The following TRAPPC13 variants were observed in gnomAD, a reference collection of about 807,000 sequenced individuals.
TRAPPC13 encodes the protein REV7-interacting novel NHEJ regulator 1.
In TRAPPC13, 39 loss-of-function variants were observed where a neutral mutation model predicts 54.0. The ratio of observed to expected loss-of-function variants is 0.72; its 90% CI spans 0.56 to 0.94. The LOEUF (loss-of-function observed/expected upper bound fraction) is 0.94, where lower values mean the gene tolerates loss of function less well. Among genes scored for constraint, TRAPPC13 ranks in the 40% least tolerant of loss-of-function variants. The probability of loss-of-function intolerance (pLI) is 0.00; values close to 1 mark genes in which losing one functional copy is unlikely to be tolerated. For synonymous variants in TRAPPC13, 148 were observed against 167.7 expected (o/e 0.88, Z 0.91); for missense variants, 386 against 488.1 (o/e 0.79, Z 1.97).
At chr5:65,649,681 C>A (rs369219334) in intron 5 of TRAPPC13, among the ~76,000 whole-genome samples, 131 of 152,194 alleles carry the variant, frequency 8.6e-4, no homozygotes, top group African/African-American at 3.0e-3. Context: ...TGCTTATTAA[C>A]TTATGGGAAC....
In TRAPPC13 at chr5:65,650,880, CA is replaced by C; in HGVS notation, c.500del (p.Gln167ArgfsTer8). The C allele has an allele frequency of 6.2e-7, 1 of 1,608,008 alleles. No homozygotes were observed. The highest frequency in any genetic ancestry group is 8.5e-7 in the Non-Finnish European group (1 of 1,174,892). On this transcript the variant is annotated frameshift_variant and splice_region_variant, in exon 6 of 13. Coordinates refer to ENST00000399438, the MANE Select transcript of TRAPPC13 (RefSeq NM_024941.4). LOFTEE classifies it high-confidence loss of function. ...KMYFRKFFKF[Q>X]VLKPLDVKTK... ...GTATTTCAGAAAATTCTTCAAATTT[CA>C]GGTATTGAATATGACAATGGTAAAT... is the stretch of plus-strand genomic sequence containing the variant.
Position 65,665,967 on chromosome 5 carries a change from T to C in TRAPPC13, c.*1356T>C, listed in dbSNP as rs907849164. The C allele has an allele frequency of 2.6e-5, 4 of 152,560 alleles. No individual in the cohort carries two copies. Among genetic ancestry groups the C allele is most frequent in the Admixed American group, 6.5e-5 (1 of 15,270 alleles). 9.5% of individuals were successfully genotyped at this position (152,560 alleles called of 1,614,324 possible). A position where few individuals can be genotyped will look rare whatever the true frequency, so the allele number is the denominator to read the frequency against. On this transcript the variant is annotated 3_prime_UTR_variant, in exon 13 of 13. Coordinates refer to ENST00000399438, the MANE Select transcript of TRAPPC13 (RefSeq NM_024941.4). ...CATCATTATTTATTGCCATAACAAA[T>C]TGTTTGGTCCAAAATGAAAGCTATA...
At chr5:65,645,587 G>T (rs562712079) in intron 4 of TRAPPC13, among the ~76,000 whole-genome samples, 1 of 152,030 alleles carries the variant, frequency 6.6e-6, no homozygotes, top group Non-Finnish European at 1.5e-5. Flanking sequence ...GGCGGATCAC[G>T]AGGTCAGGAG....
chr5:65,627,899 A>T (rs1009169185), intron 1 of TRAPPC13, among the ~76,000 whole-genome samples: 3 of 152,194 alleles, frequency 2.0e-5, no homozygotes, highest in African/African-American at 7.2e-5. Context: ...ATTTCTTCTA[A>T]CTCTTCAGAA....
intron 9 of TRAPPC13, among the ~76,000 whole-genome samples, chr5:65,659,073 A>G (rs1446492592): frequency 1.3e-5 from 2 of 152,148 alleles, no homozygotes; most frequent in Non-Finnish European, 2.9e-5. Context: ...TGATATTGAC[A>G]CTGATTACTA....
Position 65,631,557 on chromosome 5 carries a change from T to C in TRAPPC13, c.47-3744T>C, listed in dbSNP as rs188837259. 5.9e-5 allele frequency among the ~76,000 whole-genome samples: 9 copies of C among 152,302 alleles called. No individual in the cohort carries two copies. In the East Asian group the frequency reaches 1.7e-3, roughly 29 times the overall value. ...CTACCCTCAAATAGGCCTCAGTGTC[T>C]ATTGTTCTGTTTTTTGTGTCCATGT... On this transcript the variant is annotated intron_variant, in intron 1 of 12. Coordinates refer to ENST00000399438, the MANE Select transcript of TRAPPC13 (RefSeq NM_024941.4).
intron 4 of TRAPPC13, among the ~76,000 whole-genome samples, chr5:65,641,644 G>A (rs1465911827): frequency 6.6e-6 from 1 of 151,510 alleles, no homozygotes; most frequent in African/African-American, 2.4e-5. Context: ...TCATGAATTC[G>A]AGGCTGCAGT....
At chr5:65,658,546 CAT>C in intron 9 of TRAPPC13, 45 bp downstream of exon 9, 1 of 1,443,620 alleles carries the variant, frequency 6.9e-7, no homozygotes, top group Non-Finnish European at 9.2e-7. Context: ...TTGAAAGATA[CAT>C]GTTTTTCTAA....
chr5:65,638,903 G>T (rs935778995), intron 4 of TRAPPC13, among the ~76,000 whole-genome samples: 4 of 152,234 alleles, frequency 2.6e-5, no homozygotes, highest in African/African-American at 9.6e-5. Context: ...GCCCAACGTG[G>T]TGAAATACCA....
At position 65,666,111 on chromosome 5, in the gene TRAPPC13, T is replaced by C. The variant is rs1757030657; in HGVS notation, c.*1500T>C. ...TTTCAAAATGATTAAGATTAAATGATGAAATAATATTTTATAGCCACTGCA... is the reference window on the plus strand; with the variant it reads ...TTTCAAAATGATTAAGATTAAATGACGAAATAATATTTTATAGCCACTGCA... On this transcript the variant is annotated 3_prime_UTR_variant, in exon 13 of 13. Transcript: ENST00000399438. 6.6e-6 allele frequency: 1 copy of C among 152,614 alleles called. No individual in the cohort carries two copies. Among genetic ancestry groups the C allele is most frequent in the Non-Finnish European group, 1.5e-5 (1 of 68,002 alleles). The allele number at this position is 152,614 out of a possible 1,614,324, so 9.5% of individuals were successfully genotyped here.
At chr5:65,626,468 G>C (rs1206615212) in intron 1 of TRAPPC13, among the ~76,000 whole-genome samples, 2 of 152,238 alleles carry the variant, frequency 1.3e-5, no homozygotes. Flanking sequence ...GCCGCGCGTG[G>C]TGGCTCACCC....
chr5:65,662,020 A>C, intron 10 of TRAPPC13, 30 bp from the exon 11 acceptor site: 1 of 1,519,426 alleles, frequency 6.6e-7, no homozygotes, highest in Non-Finnish European at 8.9e-7. Flanking sequence ...TGTGATAGAT[A>C]TACATTAACT....
intron 1 of TRAPPC13, among the ~76,000 whole-genome samples, chr5:65,629,122 T>TA (rs1755402951): frequency 6.6e-6 from 1 of 152,202 alleles, no homozygotes; most frequent in Non-Finnish European, 1.5e-5. Context: ...AACAATATTT[T>TA]AAGAATCATT....
At chr5:65,650,531 T>C (rs1756389521) in intron 5 of TRAPPC13, among the ~76,000 whole-genome samples, 1 of 152,222 alleles carries the variant, frequency 6.6e-6, no homozygotes, top group South Asian at 2.1e-4. Flanking sequence ...TATTTGATTA[T>C]TCTGAGAATT....
At chr5:65,634,958 T>C (rs2150667197) in intron 1 of TRAPPC13, 1 of 912,272 alleles carries the variant, frequency 1.1e-6, no homozygotes, top group Non-Finnish European at 1.3e-6. Context: ...ATATTGTTTA[T>C]GGTGAAATCA....
At chr5:65,633,327 C>G (rs1235184199) in intron 1 of TRAPPC13, among the ~76,000 whole-genome samples, 1 of 151,896 alleles carries the variant, frequency 6.6e-6, no homozygotes, top group Non-Finnish European at 1.5e-5. Context: ...GTTGCCCAGG[C>G]TGGAGTGCAG....
intron 4 of TRAPPC13, among the ~76,000 whole-genome samples, chr5:65,638,365 A>G (rs529210020): frequency 6.6e-6 from 1 of 152,322 alleles, no homozygotes; most frequent in East Asian, 1.9e-4. Flanking sequence ...AATGTATGTC[A>G]TTAACATGGA....
At chr5:65,662,254 A>C in intron 11 of TRAPPC13, 104 bp downstream of exon 11, 1 of 702,470 alleles carries the variant, frequency 1.4e-6, no homozygotes, top group Non-Finnish European at 2.2e-6. Flanking sequence ...TCCTCTTGAC[A>C]TACAGCCTTC....
At chr5:65,633,425 C>G (rs898109664) in intron 1 of TRAPPC13, among the ~76,000 whole-genome samples, 1 of 152,040 alleles carries the variant, frequency 6.6e-6, no homozygotes, top group African/African-American at 2.4e-5. Flanking sequence ...GGACTACAGG[C>G]GCCCGCCACC....
Sources: gnomAD v4.1 joint callset for allele counts (sites outside exome capture counted in the v4.1 genomes callset) on GRCh38, gnomAD v4.1.1 for gene constraint, MANE v1.5 for transcripts, NCBI Gene and HGNC (gene_info 2026-07-23, HGNC 2026-07-21) for gene names.